CMIP: variants seen among roughly 807,000 people sequenced by gnomAD.
CMIP encodes C-Maf-inducing protein.
Under a neutral mutation model 97.3 loss-of-function variants are expected in CMIP, and 13 were observed. That is an observed-to-expected ratio of 0.13 (90% confidence interval 0.09 to 0.21). The LOEUF is 0.21. CMIP is among the 10% of genes least tolerant of loss of function. The pLI, the probability that CMIP is intolerant of heterozygous loss-of-function variation, is 1.00. For synonymous variants in CMIP, 538 were observed against 436.3 expected, an observed-to-expected ratio of 1.23 and a Z score of -2.91; for missense variants, 847 against 1,024.9, an observed-to-expected ratio of 0.83 and a Z score of 2.37.
chr16:81,665,478 GAGGTGGGACGGGAT>G (rs2092593147), intron 7 of CMIP: 2 of 152,210 alleles, frequency 1.3e-5, no homozygotes, highest in African/African-American at 4.8e-5. Flanking sequence ...GGGACCCAGA[GAGGTGGGACGGGAT>G]AGGCAGGGTC....
intron 1 of CMIP, among the ~76,000 whole-genome samples, chr16:81,461,406 A>G (rs564449595): frequency 7.9e-5 from 12 of 152,326 alleles, no homozygotes; most frequent in African/African-American, 2.6e-4. Flanking sequence ...AATAAGTGAC[A>G]CATGTGCTGC....
chr16:81,501,374 C>T (rs2089608558), intron 1 of CMIP, among the ~76,000 whole-genome samples: 1 of 152,248 alleles, frequency 6.6e-6, no homozygotes, highest in Non-Finnish European at 1.5e-5. Context: ...TGAAGCCCCT[C>T]TTTGGCCCCA....
intron 1 of CMIP, among the ~76,000 whole-genome samples, chr16:81,596,270 C>G (rs1329361654): frequency 3.3e-5 from 5 of 152,014 alleles, no homozygotes; most frequent in African/African-American, 7.3e-5. Flanking sequence ...CTTTGGGAAG[C>G]CAAGGTGGGC....
chr16:81,694,432 C>T (rs1273805836), intron 13 of CMIP, among the ~76,000 whole-genome samples: 1 of 152,176 alleles, frequency 6.6e-6, no homozygotes, highest in Non-Finnish European at 1.5e-5. Context: ...ACTGGCTGGA[C>T]TTAGCTAAAT....
intron 1 of CMIP, among the ~76,000 whole-genome samples, chr16:81,521,611 C>A (rs1168037970): frequency 6.6e-6 from 1 of 152,156 alleles, no homozygotes; most frequent in African/African-American, 2.4e-5. Flanking sequence ...CAGGTCGAGT[C>A]TGTGCGGAGC....
At chr16:81,661,266 C>T (rs2092543126) in intron 6 of CMIP, among the ~76,000 whole-genome samples, 2 of 152,338 alleles carry the variant, frequency 1.3e-5, no homozygotes, top group South Asian at 4.1e-4. Flanking sequence ...GCCAAGGTTC[C>T]TCTGCGCAGT....
chr16:81,639,721 G>C (rs2092280869), intron 3 of CMIP, among the ~76,000 whole-genome samples: 1 of 152,190 alleles, frequency 6.6e-6, no homozygotes, highest in African/African-American at 2.4e-5. Flanking sequence ...GTGTGCAAAT[G>C]CACTTTTAAA....
intron 1 of CMIP, among the ~76,000 whole-genome samples, chr16:81,547,237 C>G (rs770970663): frequency 6.6e-6 from 1 of 152,120 alleles, no homozygotes; most frequent in Non-Finnish European, 1.5e-5. Context: ...GAAAGAGAGA[C>G]GGAAGGGGTT....
intron 1 of CMIP, among the ~76,000 whole-genome samples, chr16:81,559,790 T>A (rs2090840786): frequency 6.6e-6 from 1 of 152,134 alleles, no homozygotes; most frequent in South Asian, 2.1e-4. Context: ...GTATACTCCT[T>A]CTAGTTATAA....
intron 1 of CMIP, among the ~76,000 whole-genome samples, chr16:81,558,335 G>A (rs931566211): frequency 2.6e-5 from 4 of 152,210 alleles, no homozygotes; most frequent in Non-Finnish European, 4.4e-5. Context: ...TGCAGTGAAC[G>A]TAGGTTTACA....
chr16:81,628,567 G>A (rs1000982297), intron 3 of CMIP, among the ~76,000 whole-genome samples: 11 of 152,230 alleles, frequency 7.2e-5, no homozygotes, highest in African/African-American at 2.7e-4. Flanking sequence ...AGGTCACACA[G>A]CTGTTCAATG....
At chr16:81,572,161 G>A (rs2150890667) in intron 1 of CMIP, among the ~76,000 whole-genome samples, 1 of 152,354 alleles carries the variant, frequency 6.6e-6, no homozygotes, top group East Asian at 1.9e-4. Context: ...GAGACCTTCA[G>A]CTCCGCGTCT....
At chr16:81,480,887 A>T (rs1908220805) in intron 1 of CMIP, among the ~76,000 whole-genome samples, 2 of 152,152 alleles carry the variant, frequency 1.3e-5, no homozygotes, top group Non-Finnish European at 2.9e-5. Flanking sequence ...ACCTCAGCTG[A>T]AGCAGAGTGG....
chr16:81,689,497 A>C (rs1054151409), intron 10 of CMIP, among the ~76,000 whole-genome samples: 3 of 152,000 alleles, frequency 2.0e-5, no homozygotes, highest in Non-Finnish European at 4.4e-5. Context: ...CCACTTTTTG[A>C]TGGGGTTGAT....
chr16:81,647,211 G>A (rs1242643054), intron 3 of CMIP, among the ~76,000 whole-genome samples: 2 of 152,184 alleles, frequency 1.3e-5, no homozygotes, highest in Non-Finnish European at 2.9e-5. Flanking sequence ...GGCTAATGAC[G>A]TTGAGCATCT....
intron 1 of CMIP, among the ~76,000 whole-genome samples, chr16:81,607,265 C>T (rs1032199852): frequency 6.6e-6 from 1 of 152,254 alleles, no homozygotes; most frequent in African/African-American, 2.4e-5. Flanking sequence ...ACTCCCTGCG[C>T]TGGCCCCGCG....
chr16:81,638,448 C>T (rs781766869), intron 3 of CMIP, among the ~76,000 whole-genome samples: 2 of 152,074 alleles, frequency 1.3e-5, no homozygotes, highest in Non-Finnish European at 2.9e-5. Flanking sequence ...CCCACCTGCA[C>T]GGGACTCTCT....
At chr16:81,527,610 T>G (rs1364850017) in intron 1 of CMIP, among the ~76,000 whole-genome samples, 1 of 152,176 alleles carries the variant, frequency 6.6e-6, no homozygotes, top group Non-Finnish European at 1.5e-5. Flanking sequence ...CCCTTCATCC[T>G]CCTCCCCCGC....
intron 7 of CMIP, 56 bp from the exon 8 acceptor site, chr16:81,670,086 T>A: frequency 1.3e-6 from 2 of 1,534,876 alleles, no homozygotes; most frequent in Middle Eastern, 4.0e-4. Flanking sequence ...CTGGCTGCCC[T>A]GGGCTCCTGC....
Sources: allele counts gnomAD v4.1 joint callset (sites outside exome capture counted in the v4.1 genomes callset), GRCh38; gene constraint gnomAD v4.1.1; transcripts MANE v1.5; gene names NCBI Gene and HGNC (gene_info 2026-07-23, HGNC 2026-07-21).